Variants in COL7A1 observed in about 807,000 individuals in gnomAD.
COL7A1 encodes collagen alpha-1(VII) chain.
A neutral mutation model predicts 456.2 loss-of-function variants in COL7A1; 296 were observed. The observed-to-expected ratio is 0.65, with a 90% confidence interval of 0.59 to 0.71. COL7A1 has a LOEUF of 0.71. COL7A1 is among the 30% of genes least tolerant of loss of function. The probability of loss-of-function intolerance (pLI) is 0.00; values close to 1 mark genes in which losing one functional copy is unlikely to be tolerated. For missense variants in COL7A1, 3,441 were observed against 4,017.2 expected (o/e 0.86, Z 3.88); for synonymous variants, 1,464 against 1,525.9 (o/e 0.96, Z 0.95).
At position 48,590,549 on chromosome 3, in the gene COL7A1, C is replaced by A. The variant is rs2045620176; in HGVS notation, c.1816G>T (p.Val606Phe). 5.0e-6 allele frequency: 8 copies of A among 1,614,178 alleles called. No individual in the cohort carries two copies. Among genetic ancestry groups the A allele is most frequent in the Non-Finnish European group, 6.8e-6 (8 of 1,180,040 alleles). ...ACTCGCGTTGCATCTGACACCACAA[C>A]CCGCAGCCCTGGAACAGCAAGTGGA... is the stretch of plus-strand genomic sequence containing the variant. ...ETPLAVPGLR[V>F]VVSDATRVRV... The change falls in exon 15 of 119, where the codon GTT becomes TTT. Residue 606 changes from valine (V) to phenylalanine (F), a missense_variant. By Grantham distance (50) the Val-to-Phe change is conservative (BLOSUM62 -1). Transcript: ENST00000681320. The surrounding 1 kb of genome is among the most constrained non-coding windows in gnomAD (Gnocchi z 4.6).
Position 48,567,692 on chromosome 3 carries a change from G to A in COL7A1, c.7983+18C>T. 4.3e-6 allele frequency: 7 copies of A among 1,613,886 alleles called. No homozygotes were observed. Among genetic ancestry groups the A allele is most frequent in the Non-Finnish European group, 5.9e-6 (7 of 1,179,998 alleles). On this transcript the variant is annotated intron_variant, in intron 108 of 118. Coordinates refer to ENST00000681320, the MANE Select transcript of COL7A1 (RefSeq NM_000094.4). This position sits in a 1 kb window ranked among gnomAD's most constrained non-coding sequence, Gnocchi z 4.3. Reference sequence around the variant, plus strand: ...CGTCCACCCGTGGCCCCCTCATTCTGAGCGTGCCCACACTCACCATCTCTC... The same window carrying A: ...CGTCCACCCGTGGCCCCCTCATTCTAAGCGTGCCCACACTCACCATCTCTC...
At chr3:48,582,739 G>T in intron 44 of COL7A1, 86 bp from the exon 45 acceptor site, 1 of 1,442,292 alleles carries the variant, frequency 6.9e-7, no homozygotes, top group Non-Finnish European at 9.7e-7. Context: ...GTGGGGGCTG[G>T]AGAGGGGTCA....
chr3:48,591,571 G>C lies in COL7A1; in HGVS notation c.1529C>G (p.Pro510Arg). Residue 510 changes from proline to arginine, a missense_variant, in exon 13 of 119, where the codon CCT (proline) becomes CGT (arginine). Physicochemically the swap from Pro to Arg is moderately radical, Grantham distance 103. Transcript: ENST00000681320. This position sits in a 1 kb window ranked among gnomAD's most constrained non-coding sequence, Gnocchi z 7.0. ...CTCGGTGGCTTGCAGGTCTGTTACA[G>C]GGCTCACAGGCAGCTCTGGTCCTGT... is the stretch of plus-strand genomic sequence containing the variant. The part of the protein sequence containing the change: ...VPTGPELPVS[P>R]VTDLQATELP... The C allele has an allele frequency of 6.2e-7, 1 of 1,613,694 alleles. No individual in the cohort carries two copies. The highest frequency in any genetic ancestry group is 8.5e-7 in the Non-Finnish European group (1 of 1,179,978).
In COL7A1 at chr3:48,594,519, T is replaced by C. The variant is rs773612591; in HGVS notation, c.115A>G (p.Ile39Val). 6.2e-7 allele frequency: 1 copy of C among 1,610,642 alleles called. No homozygotes were observed. Among genetic ancestry groups the C allele is most frequent in the East Asian group, 2.2e-5 (1 of 44,828 alleles). Residue 39 changes from isoleucine to valine, a missense_variant, in exon 3 of 119, where the codon ATT (isoleucine) becomes GTT (valine). Transcript: ENST00000681320. The surrounding 1 kb of genome is among the most constrained non-coding windows in gnomAD (Gnocchi z 5.5). ...GAGGAGCCATCCAGTAAGAACACAA[T>C]GTCAGCGGCGTAAAGGCGCGTGCAG... ...VTCTRLYAADIVFLLDGSSSI... is the reference protein window; with the variant it reads ...VTCTRLYAADVVFLLDGSSSI...
Position 48,564,640 on chromosome 3 carries a change from G to A in COL7A1, c.8818+143C>T. 1 of 1,095,932 alleles carries A rather than the reference G, an allele frequency of 9.1e-7. No individual in the cohort carries two copies. Among genetic ancestry groups the A allele is most frequent in the South Asian group, 1.5e-5 (1 of 65,668 alleles). 67.9% of individuals were successfully genotyped at this position (1,095,932 alleles called of 1,614,324 possible). A position where few individuals can be genotyped will look rare whatever the true frequency, so the allele number is the denominator to read the frequency against. On this transcript the variant is annotated intron_variant, in intron 118 of 118. Transcript: ENST00000681320. The surrounding 1 kb of genome is among the most constrained non-coding windows in gnomAD (Gnocchi z 6.0). The stretch of plus-strand genomic sequence containing the variant: ...GCTCTATATTCAGCTCTTTGGTCTG[G>A]GCGTCTGCCCCAGGTCCCCTACTGC...
Position 48,564,602 on chromosome 3 carries a change from C to A in COL7A1, c.8819-180G>T. On this transcript the variant is annotated intron_variant, in intron 118 of 118. Transcript: ENST00000681320. This position sits in a 1 kb window ranked among gnomAD's most constrained non-coding sequence, Gnocchi z 6.0. ...ACATGGAAGGGGACCCTACTGGGGG[C>A]TCCACGGCTGGGGCTCTATATTCAG... is the stretch of plus-strand genomic sequence containing the variant. 1 of 1,018,518 alleles carries A rather than the reference C, an allele frequency of 9.8e-7. No homozygotes were observed. The allele number at this position is 1,018,518 out of a possible 1,614,324, so 63.1% of individuals were successfully genotyped here. A position where few individuals can be genotyped will look rare whatever the true frequency, so the allele number is the denominator to read the frequency against.
chr3:48,589,238 G>C (rs576214366), intron 18 of COL7A1, 89 bp downstream of exon 18: 1 of 1,585,928 alleles, frequency 6.3e-7, no homozygotes. Context: ...CACTGAGCAG[G>C]GGGGTGGAGG....
At position 48,592,526 on chromosome 3, in the gene COL7A1, C is replaced by T. The variant is rs200166750; in HGVS notation, c.976+44G>A. 74 of 1,612,936 alleles carry T rather than the reference C, an allele frequency of 4.6e-5. No homozygotes were observed. The highest frequency in any genetic ancestry group is 6.7e-5 in the East Asian group (3 of 44,868). ...CAGAAGTGGGAGGGGGTACTGGGGT[C>T]GGGGGTTAGGTGAATGGGGTCAGAG... On this transcript the variant is annotated intron_variant, in intron 8 of 118. Coordinates refer to ENST00000681320, the MANE Select transcript of COL7A1 (RefSeq NM_000094.4). This position sits in a 1 kb window ranked among gnomAD's most constrained non-coding sequence, Gnocchi z 7.6.
chr3:48,576,647 G>A (rs1441658031), intron 68 of COL7A1, 29 bp downstream of exon 68: 1 of 1,595,556 alleles, frequency 6.3e-7, no homozygotes, highest in Non-Finnish European at 8.5e-7. Flanking sequence ...CTAATGCTCT[G>A]AAGTCCCAGA....
Position 48,574,368 on chromosome 3 carries a change from C to T in COL7A1, c.6457-62G>A. 2 of 1,613,424 alleles carry T rather than the reference C, an allele frequency of 1.2e-6. No individual in the cohort carries two copies. Among genetic ancestry groups the T allele is most frequent in the African/African-American group, 1.3e-5 (1 of 74,996 alleles). ...TCCAACTTCCCCTCCACCCACCATC[C>T]CCCTAGACAGAGTCAGGACCCAGAC... On this transcript the variant is annotated intron_variant, in intron 79 of 118. Transcript: ENST00000681320. The surrounding 1 kb of genome is among the most constrained non-coding windows in gnomAD (Gnocchi z 5.0).
At position 48,586,547 on chromosome 3, in the gene COL7A1, C is replaced by T; in HGVS notation, c.3403+16G>A. On this transcript the variant is annotated intron_variant, in intron 26 of 118. Transcript: ENST00000681320. This position sits in a 1 kb window ranked among gnomAD's most constrained non-coding sequence, Gnocchi z 5.1. ...AGTGGATAGCCCCAGGAGTCCATGC[C>T]TGCTGCAGTCCTCACCCAGGTTGTT... The T allele has an allele frequency of 6.2e-7, 1 of 1,613,786 alleles. No individual in the cohort carries two copies. The highest frequency in any genetic ancestry group is 1.3e-5 in the African/African-American group (1 of 75,052).
chr3:48,592,049 G>A lies in COL7A1; in HGVS notation c.1241-35C>T. On this transcript the variant is annotated intron_variant, in intron 10 of 118. Coordinates refer to ENST00000681320, the MANE Select transcript of COL7A1 (RefSeq NM_000094.4). The surrounding 1 kb of genome is among the most constrained non-coding windows in gnomAD (Gnocchi z 7.6). ...GCACATGGGATGTCAGTGGCCTCCG[G>A]GCCTTGCCCTGCCTGCCCGTCCCAG... The A allele has an allele frequency of 6.2e-7, 1 of 1,614,128 alleles. No individual in the cohort carries two copies. Among genetic ancestry groups the A allele is most frequent in the Non-Finnish European group, 8.5e-7 (1 of 1,180,016 alleles).
chr3:48,589,533 G>T, intron 17 of COL7A1, 63 bp from the exon 18 acceptor site: 1 of 1,612,462 alleles, frequency 6.2e-7, no homozygotes, highest in South Asian at 1.1e-5. Flanking sequence ...GCCCCACCTG[G>T]ACCCCCAATA....
At position 48,587,766 on chromosome 3, in the gene COL7A1, G is replaced by A; in HGVS notation, c.2857+27C>T. 6.2e-7 allele frequency: 1 copy of A among 1,613,426 alleles called. No individual in the cohort carries two copies. Among genetic ancestry groups the A allele is most frequent in the Non-Finnish European group, 8.5e-7 (1 of 1,179,984 alleles). ...TCAGGGTGGGTCATCAGCAGGGGAGGAGCACGCCAAGGTGAGGCAGGCTTA... is the reference window on the plus strand; with the variant it reads ...TCAGGGTGGGTCATCAGCAGGGGAGAAGCACGCCAAGGTGAGGCAGGCTTA... On this transcript the variant is annotated intron_variant, in intron 22 of 118. Transcript: ENST00000681320. The surrounding 1 kb of genome is among the most constrained non-coding windows in gnomAD (Gnocchi z 6.1).
chr3:48,588,379 C>A lies in COL7A1; in HGVS notation c.2613G>T (p.Gly871=), dbSNP rs1453279871. The A allele has an allele frequency of 6.2e-7, 1 of 1,611,592 alleles. No homozygotes were observed. Among genetic ancestry groups the A allele is most frequent in the East Asian group, 2.2e-5 (1 of 44,854 alleles). The stretch of plus-strand genomic sequence containing the variant: ...CCCCGCGCTGCACCACGTGAAGCGT[C>A]CCCAGGGCTGGCGGAGCCTCAGGCG... ...TTPPEAPPAL[G]TLHVVQRGEH... is the part of the protein sequence containing the mutation. Residue 871 remains glycine (G), a synonymous_variant, in exon 21 of 119, where the codon GGG becomes GGT. Transcript: ENST00000681320. The surrounding 1 kb of genome is among the most constrained non-coding windows in gnomAD (Gnocchi z 4.6).
In COL7A1 at chr3:48,578,650, C is replaced by T. The variant is rs2044496932; in HGVS notation, c.5425-135G>A. ...AGGACTGAGAGGTCCCATTGAGATCCCTCAGGCACAGACCCCATGGATGGG... is the reference window on the plus strand; with the variant it reads ...AGGACTGAGAGGTCCCATTGAGATCTCTCAGGCACAGACCCCATGGATGGG... On this transcript the variant is annotated intron_variant, in intron 63 of 118. Coordinates refer to ENST00000681320, the MANE Select transcript of COL7A1 (RefSeq NM_000094.4). This position sits in a 1 kb window ranked among gnomAD's most constrained non-coding sequence, Gnocchi z 4.7. The T allele has an allele frequency of 1.8e-6, 2 of 1,084,090 alleles. No individual in the cohort carries two copies. The highest frequency in any genetic ancestry group is 4.2e-5 in the Admixed American group (2 of 47,194). 67.2% of individuals were successfully genotyped at this position (1,084,090 alleles called of 1,614,324 possible).
chr3:48,589,696 C>T lies in COL7A1; in HGVS notation c.2073G>A (p.Thr691=), dbSNP rs749328156. 1.1e-5 allele frequency: 17 copies of T among 1,614,040 alleles called. No individual in the cohort carries two copies. Among genetic ancestry groups the T allele is most frequent in the Non-Finnish European group, 1.4e-5 (16 of 1,180,020 alleles). The part of the protein sequence containing the change: ...ARTDPLGPVR[T]VHVTQASSSS... ...AGCTGCTGGCCTGAGTCACATGGAC[C>T]GTCCTCACTGGGCCCAGTGGGTCTA... The change falls in exon 17 of 119, where the codon ACG becomes ACA. Residue 691 remains threonine, a synonymous_variant. Transcript: ENST00000681320.
rs1560238598 is a variant in COL7A1 at position 48,583,107 on chromosome 3, A to G, written c.4482+20T>C. 2 of 1,613,510 alleles carry G rather than the reference A, an allele frequency of 1.2e-6. No individual in the cohort carries two copies. The highest frequency in any genetic ancestry group is 3.3e-4 in the Middle Eastern group (2 of 6,062). On this transcript the variant is annotated intron_variant, in intron 43 of 118. Transcript: ENST00000681320. The surrounding 1 kb of genome is among the most constrained non-coding windows in gnomAD (Gnocchi z 5.1). ...GCCCAGATCCTCCAGGGCCCTTGGC[A>G]CCCCCCAGGTTGCACTTACCTTCTC... is the stretch of plus-strand genomic sequence containing the variant.
In COL7A1 at chr3:48,568,005, T is replaced by A. The variant is rs2043684320; in HGVS notation, c.7875+85A>T. 1 of 1,598,918 alleles carries A rather than the reference T, an allele frequency of 6.3e-7. No individual in the cohort carries two copies. The highest frequency in any genetic ancestry group is 1.3e-5 in the African/African-American group (1 of 74,596). On this transcript the variant is annotated intron_variant, in intron 106 of 118. Transcript: ENST00000681320. The surrounding 1 kb of genome is among the most constrained non-coding windows in gnomAD (Gnocchi z 5.2). ...TCAGCTACTCCAACCTCTGACCCAG[T>A]GCCCTAATATCTGACCCCAGGTCCC... is the stretch of plus-strand genomic sequence containing the variant.
Sources: gnomAD v4.1 joint callset for allele counts on GRCh38, gnomAD v4.1.1 for gene constraint, Gnocchi (gnomAD v3.1) non-coding constraint, MANE v1.5 for transcripts, NCBI Gene and HGNC (gene_info 2026-07-23, HGNC 2026-07-21) for gene names.